Variants in CAMTA2 observed in about 807,000 individuals in gnomAD.
The protein encoded by CAMTA2 is calmodulin-binding transcription activator 2.
A neutral mutation model predicts 135.7 loss-of-function variants in CAMTA2; 56 were observed. The ratio of observed to expected loss-of-function variants is 0.41; its 90% CI spans 0.33 to 0.52. CAMTA2 has a LOEUF of 0.52. CAMTA2 is among the 20% of genes least tolerant of loss of function. The probability of loss-of-function intolerance (pLI) is 0.16; values close to 1 mark genes in which losing one functional copy is unlikely to be tolerated. For synonymous variants in CAMTA2, 591 were observed against 604.6 expected (o/e 0.98, Z 0.33); for missense variants, 1,358 against 1,553.4 (o/e 0.87, Z 2.11).
At chr17:4,973,311 G>A (rs775584706) in intron 13 of CAMTA2, 58 bp from the exon 14 acceptor site, 33 of 1,411,912 alleles carry the variant, frequency 2.3e-5, no homozygotes, top group Non-Finnish European at 3.3e-5. Context: ...GGGCAAAGCA[G>A]GAACATCAGA....
intron 10 of CAMTA2, 77 bp from the exon 11 acceptor site, chr17:4,977,269 A>G (rs1476553954): frequency 1.3e-6 from 2 of 1,550,170 alleles, no homozygotes; most frequent in Non-Finnish European, 1.8e-6. Context: ...GCCACAGACA[A>G]TTATTCCATA....
rs766760551 is a variant in CAMTA2, at chr17:4,969,606, A to T, written c.3261+24T>A. ...TGTGGGTTGGTGGGTTGCTGGTTAC[A>T]CTTTTGAGGGAGAAGGGTCTCACCT... On this transcript the variant is annotated intron_variant, in intron 19 of 22. Coordinates refer to ENST00000348066, the MANE Select transcript of CAMTA2 (RefSeq NM_015099.4). This position sits in a 1 kb window ranked among gnomAD's most constrained non-coding sequence, Gnocchi z 5.6. 1 of 1,613,920 alleles carries T rather than the reference A, an allele frequency of 6.2e-7. No individual in the cohort carries two copies.
rs1039812313 is a variant in CAMTA2 at position 4,986,182 on chromosome 17, G to A, written c.31+10C>T. ...TGTGGCCACATTGGGAACCTGGTTT[G>A]TGAACTTACCAGCAACCTCGGTGGT... On this transcript the variant is annotated intron_variant, in intron 2 of 22. Transcript: ENST00000348066. The A allele has an allele frequency of 1.9e-6, 3 of 1,556,384 alleles. No homozygotes were observed. The highest frequency in any genetic ancestry group is 2.7e-6 in the Non-Finnish European group (3 of 1,127,168).
rs749052822 is a variant in CAMTA2 at position 4,972,279 on chromosome 17, C to T, written c.2761G>A (p.Ala921Thr). The T allele has an allele frequency of 6.9e-5, 112 of 1,613,958 alleles. 1 individual carries two copies. In the South Asian group the frequency reaches 1.2e-3, roughly 17 times the overall value. Residue 921 changes from alanine to threonine, a missense_variant, in exon 16 of 23, where the codon GCT becomes ACT. Physicochemically the swap from Ala to Thr is moderately conservative, Grantham distance 58. Transcript: ENST00000348066. Reference sequence around the variant, plus strand: ...GGGCTGTCAGCGTCCTCTGGAGCAGCCCCATCATCTGAAGCTGGTGGGAGG... The same window carrying T: ...GGGCTGTCAGCGTCCTCTGGAGCAGTCCCATCATCTGAAGCTGGTGGGAGG... ...PALPPASDDGAAPEDADSPQA... is the reference protein window; with the variant it reads ...PALPPASDDGTAPEDADSPQA...
At position 4,973,705 on chromosome 17, in the gene CAMTA2, C is replaced by T; in HGVS notation, c.2081G>A (p.Arg694His). ...VVVLVESMIP[R>H]STWKGPERLA... is the part of the protein sequence containing the mutation. ...ACGTTCAGGACCCTTCCAGGTGGAG[C>T]GTGGGATCATGCTTTCTACCAAGAC... Residue 694 changes from arginine to histidine, a missense_variant, in exon 13 of 23, where the codon CGC becomes CAC. Arg to His is a conservative substitution (Grantham distance 29). Transcript: ENST00000348066. 1.2e-6 allele frequency: 2 copies of T among 1,614,166 alleles called. No homozygotes were observed. Among genetic ancestry groups the T allele is most frequent in the Middle Eastern group, 1.6e-4 (1 of 6,062 alleles).
chr17:4,973,379 A>T, intron 13 of CAMTA2, 126 bp from the exon 14 acceptor site: 1 of 901,092 alleles, frequency 1.1e-6, no homozygotes, highest in Non-Finnish European at 1.8e-6. Flanking sequence ...AGTCAAGGAC[A>T]CTAGCTTAAG....
chr17:4,982,192 G>GCCCCC, intron 5 of CAMTA2, 32 bp from the exon 6 acceptor site: 1 of 542,214 alleles, frequency 1.8e-6, no homozygotes, highest in Non-Finnish European at 3.7e-6. Context: ...TGGGGGGAGG[G>GCCCCC]CTAGTCTGCT....
intron 3 of CAMTA2, among the ~76,000 whole-genome samples, chr17:4,984,743 G>T (rs1973158439): frequency 6.6e-6 from 1 of 152,124 alleles, no homozygotes; most frequent in South Asian, 2.1e-4. Context: ...GGTTCCAGCC[G>T]GGCGTGGTGG....
intron 11 of CAMTA2, among the ~76,000 whole-genome samples, chr17:4,976,570 A>G (rs1364113670): frequency 2.0e-5 from 3 of 152,014 alleles, no homozygotes; most frequent in African/African-American, 7.2e-5. Context: ...GCTTGGTGGC[A>G]GGCACCTGTA....
At position 4,969,731 on chromosome 17, in the gene CAMTA2, G is replaced by T; in HGVS notation, c.3190-30C>A. 1 of 1,612,546 alleles carries T rather than the reference G, an allele frequency of 6.2e-7. No homozygotes were observed. Among genetic ancestry groups the T allele is most frequent in the South Asian group, 1.1e-5 (1 of 91,002 alleles). ...AGGGAGAGAAGTCTCACCACCTCATGACCCACATAATGGCATATCTGACTT... is the reference window on the plus strand; with the variant it reads ...AGGGAGAGAAGTCTCACCACCTCATTACCCACATAATGGCATATCTGACTT... On this transcript the variant is annotated intron_variant, in intron 18 of 22. Coordinates refer to ENST00000348066, the MANE Select transcript of CAMTA2 (RefSeq NM_015099.4). The surrounding 1 kb of genome is among the most constrained non-coding windows in gnomAD (Gnocchi z 5.6).
rs566188678 is a variant in CAMTA2, at chr17:4,977,413, C to T, written c.1766-221G>A. ...GGCCAGAGATCCCTTGGATTCTAGA[C>T]CCTGTAGTTGAAGATATTTGTTATT... is the stretch of plus-strand genomic sequence containing the variant. On this transcript the variant is annotated intron_variant, in intron 10 of 22. Transcript: ENST00000348066. 2.6e-5 allele frequency among the ~76,000 whole-genome samples: 4 copies of T among 152,314 alleles called. No homozygotes were observed. In the East Asian group the frequency reaches 5.8e-4, roughly 22 times the overall value.
Position 4,979,935 on chromosome 17 carries a change from G to T in CAMTA2, c.1387C>A (p.Pro463Thr). 1 of 1,610,926 alleles carries T rather than the reference G, an allele frequency of 6.2e-7. No homozygotes were observed. The change falls in exon 9 of 23, where the codon CCT becomes ACT. Residue 463 changes from proline (P) to threonine (T), a missense_variant. Pro to Thr is a conservative substitution (Grantham distance 38). Transcript: ENST00000348066. ...LKGHGAAPPI[P>T]SPPPSPPPSP... is the part of the protein sequence containing the mutation. ...GGTGGGGGTGAGGGAGGGGGTGAAGGTATGGGTGGGGCAGCCCCGTGACCC... is the reference window on the plus strand; with the variant it reads ...GGTGGGGGTGAGGGAGGGGGTGAAGTTATGGGTGGGGCAGCCCCGTGACCC...
chr17:4,970,723 T>C (rs902214706), intron 16 of CAMTA2, among the ~76,000 whole-genome samples, 187 bp from the exon 17 acceptor site: 1 of 152,202 alleles, frequency 6.6e-6, no homozygotes, highest in East Asian at 1.9e-4. Context: ...TGTGCTGAGA[T>C]GCTATGGAGA....
rs756321978 is a variant in CAMTA2, at chr17:4,972,508, C to T, written c.2532G>A (p.Glu844=). The T allele has an allele frequency of 6.2e-7, 1 of 1,609,208 alleles. No individual in the cohort carries two copies. The highest frequency in any genetic ancestry group is 8.5e-7 in the Non-Finnish European group (1 of 1,178,116). ...TGACGGAAAAGGTGCCATCCGACAGCTCCGAGGGCGAGGAGACGCTGCTCA... is the reference window on the plus strand; with the variant it reads ...TGACGGAAAAGGTGCCATCCGACAGTTCCGAGGGCGAGGAGACGCTGCTCA... ...TGLSSVSSPS[E]LSDGTFSVTS... The change falls in exon 16 of 23, where the codon GAG becomes GAA. Residue 844 remains glutamate (E), a synonymous_variant. Coordinates refer to ENST00000348066, the MANE Select transcript of CAMTA2 (RefSeq NM_015099.4).
chr17:4,970,432 C>T lies in CAMTA2; in HGVS notation c.2913G>A (p.Glu971=). 6.2e-7 allele frequency: 1 copy of T among 1,614,150 alleles called. No homozygotes were observed. Among genetic ancestry groups the T allele is most frequent in the Middle Eastern group, 1.6e-4 (1 of 6,062 alleles). Residue 971 remains glutamate, a synonymous_variant, in exon 17 of 23, where the codon GAG becomes GAA. Transcript: ENST00000348066. Reference sequence around the variant, plus strand: ...CACTGAGCCCCACAGCCCCTGTCCGCTCCCGCATTGAGGCTCCAGCCTCGG... The same window carrying T: ...CACTGAGCCCCACAGCCCCTGTCCGTTCCCGCATTGAGGCTCCAGCCTCGG... The part of the protein sequence containing the change: ...GLPEAGASMR[E]RTGAVGLSET...
In CAMTA2 at chr17:4,968,625, A is replaced by C. The variant is rs1327408013; in HGVS notation, c.*131T>G. 16 of 895,974 alleles carry C rather than the reference A, an allele frequency of 1.8e-5. No individual in the cohort carries two copies. The highest frequency in any genetic ancestry group is 5.3e-6 in the Non-Finnish European group (3 of 565,124). The allele number at this position is 895,974 out of a possible 1,614,324, so 55.5% of individuals were successfully genotyped here. A position where few individuals can be genotyped will look rare whatever the true frequency, so the allele number is the denominator to read the frequency against. On this transcript the variant is annotated 3_prime_UTR_variant, in exon 23 of 23. Coordinates refer to ENST00000348066, the MANE Select transcript of CAMTA2 (RefSeq NM_015099.4). The stretch of plus-strand genomic sequence containing the variant: ...GAGCAAGGCGTGGGGAGGAGGGAGG[A>C]GGCCTACAGAGGGCTCCAACAAAGG...
chr17:4,986,937 C>T (rs1398498708), intron 1 of CAMTA2: 3 of 1,522,540 alleles, frequency 2.0e-6, no homozygotes, highest in Non-Finnish European at 2.6e-6. Flanking sequence ...CTCCCCTGGC[C>T]TCCAGGCCTA....
intron 5 of CAMTA2, 142 bp downstream of exon 5, chr17:4,982,615 G>A (rs529206815): frequency 7.9e-5 from 72 of 915,718 alleles, no homozygotes; most frequent in Non-Finnish European, 9.5e-5. Context: ...AATGTCAGCC[G>A]ACCCAAAGTG....
Position 4,974,396 on chromosome 17 carries a change from G to A in CAMTA2, c.2005C>T (p.Pro669Ser). 6.2e-7 allele frequency: 1 copy of A among 1,607,374 alleles called. No individual in the cohort carries two copies. Among genetic ancestry groups the A allele is most frequent in the Non-Finnish European group, 8.5e-7 (1 of 1,174,026 alleles). ...GQVPCQGPDA[P>S]PVQDEGQGPG... ...CCTCACAGAAGTACCTGAACTGGAG[G>A]AGCATCAGGACCCTGGCAAGGCACC... Residue 669 changes from proline to serine, a missense_variant, in exon 12 of 23, where the codon CCT (proline) becomes TCT (serine). By Grantham distance (74) the Pro-to-Ser change is moderately conservative. Transcript: ENST00000348066.
Sources: allele counts gnomAD v4.1 joint callset (sites outside exome capture counted in the v4.1 genomes callset), GRCh38; gene constraint gnomAD v4.1.1; non-coding constraint Gnocchi (gnomAD v3.1); transcripts MANE v1.5; gene names NCBI Gene and HGNC (gene_info 2026-07-23, HGNC 2026-07-21).